RMDN2: variants seen among roughly 807,000 people sequenced by gnomAD.
RMDN2 encodes the protein regulator of microtubule dynamics 2.
A neutral mutation model predicts 52.8 loss-of-function variants in RMDN2; 61 were observed. The ratio of observed to expected loss-of-function variants is 1.16; its 90% CI spans 0.94 to 1.43. The LOEUF (loss-of-function observed/expected upper bound fraction) is 1.43. Among genes scored for constraint, RMDN2 ranks in the 40% most tolerant of loss-of-function variants. The probability of loss-of-function intolerance (pLI) is 0.00; values close to 1 mark genes in which losing one functional copy is unlikely to be tolerated. For synonymous variants in RMDN2, 180 were observed against 153.1 expected (o/e 1.18, Z -1.30); for missense variants, 592 against 475.3 (o/e 1.25, Z -2.28).
downstream of RMDN2, among the ~76,000 whole-genome samples, chr2:38,021,726 G>T (rs1679394562): frequency 6.6e-6 from 1 of 152,212 alleles, no homozygotes; most frequent in Non-Finnish European, 1.5e-5. Flanking sequence ...TCACTGTAGG[G>T]TTGGCCGTAC....
chr2:38,043,642 A>G (rs1246449155), intron 10 of RMDN2, among the ~76,000 whole-genome samples: 2 of 151,756 alleles, frequency 1.3e-5, no homozygotes, highest in Admixed American at 6.5e-5. Context: ...GTCCTTTACT[A>G]TATTATAATT....
At chr2:37,971,442 A>G (rs988480813) in intron 2 of RMDN2, among the ~76,000 whole-genome samples, 2 of 152,262 alleles carry the variant, frequency 1.3e-5, no homozygotes, top group South Asian at 2.1e-4. Context: ...CATAATGTCT[A>G]TTTCATATGT....
intron 2 of RMDN2, among the ~76,000 whole-genome samples, chr2:37,938,949 G>A (rs1212389827): frequency 6.6e-6 from 1 of 152,080 alleles, no homozygotes; most frequent in African/African-American, 2.4e-5. Context: ...TTGTGAATTT[G>A]TTTGCTCTTG....
chr2:37,987,618 A>G (rs1274749628), intron 5 of RMDN2, among the ~76,000 whole-genome samples: 1 of 152,228 alleles, frequency 6.6e-6, no homozygotes, highest in Non-Finnish European at 1.5e-5. Flanking sequence ...CAGTATACAC[A>G]TGTCATTATA....
At chr2:37,922,167 C>T (rs1048098604), upstream of RMDN2, among the ~76,000 whole-genome samples, 42 of 152,244 alleles carry the variant, frequency 2.8e-4, no homozygotes, top group African/African-American at 9.9e-4. Flanking sequence ...TTAAAACCAG[C>T]CTGGAAATGA....
chr2:38,039,095 G>C (rs2084170), intron 10 of RMDN2, among the ~76,000 whole-genome samples: 9,486 of 48,964 alleles, frequency 0.19, 366 homozygotes, highest in Non-Finnish European at 0.24. Flanking sequence ...CACACACACA[G>C]AGAGAGAGAT....
rs1391534253 is a variant in RMDN2 at position 38,000,500 on chromosome 2, A to G, written c.1044+2986A>G. On this transcript the variant is annotated intron_variant, in intron 8 of 10. Transcript: ENST00000354545. ...AGTTTTCTTTGCCTCTTTGCTGTCA[A>G]TTTCCCCCATCTCCTGCCCCAAGTA... Among the ~76,000 whole-genome samples, 6 of 152,162 alleles carry G rather than the reference A, an allele frequency of 3.9e-5. No individual in the cohort carries two copies. In the East Asian group the frequency reaches 9.6e-4, roughly 24 times the overall value.
intron 2 of RMDN2, among the ~76,000 whole-genome samples, chr2:37,969,858 A>G (rs1396902584): frequency 6.7e-6 from 1 of 149,420 alleles, no homozygotes; most frequent in Non-Finnish European, 1.5e-5. Context: ...CTTCCTTCCT[A>G]TTTTTTCTTT....
chr2:37,935,708 C>G (rs1667229127), intron 2 of RMDN2, among the ~76,000 whole-genome samples: 1 of 152,138 alleles, frequency 6.6e-6, no homozygotes, highest in Non-Finnish European at 1.5e-5. Context: ...TTAAAATTTA[C>G]ATACATATCA....
intron 10 of RMDN2, among the ~76,000 whole-genome samples, chr2:38,052,202 A>G (rs936870688): frequency 1.3e-5 from 2 of 152,166 alleles, no homozygotes; most frequent in African/African-American, 4.8e-5. Flanking sequence ...CTTTTTGATA[A>G]TAGACATTGT....
chr2:37,992,631 T>G (rs1674959164), intron 7 of RMDN2, among the ~76,000 whole-genome samples: 1 of 152,194 alleles, frequency 6.6e-6, no homozygotes, highest in Non-Finnish European at 1.5e-5. Context: ...TAGCTCAGTT[T>G]TTTGCACTTA....
At chr2:37,921,966 A>T (rs980957932), upstream of RMDN2, among the ~76,000 whole-genome samples, 2 of 152,234 alleles carry the variant, frequency 1.3e-5, no homozygotes, top group Non-Finnish European at 2.9e-5. Context: ...CTCCTCGTTT[A>T]CAAATGATTC....
intron 4 of RMDN2, among the ~76,000 whole-genome samples, chr2:37,979,979 T>A (rs1407997437): frequency 2.0e-5 from 3 of 152,192 alleles, no homozygotes; most frequent in Non-Finnish European, 2.9e-5. Flanking sequence ...TTTAATTGTT[T>A]CCAATTTATG....
At chr2:37,949,340 G>A (rs115137205) in intron 2 of RMDN2, among the ~76,000 whole-genome samples, 2 of 152,210 alleles carry the variant, frequency 1.3e-5, no homozygotes, top group Non-Finnish European at 2.9e-5. Flanking sequence ...ACTTGCTATA[G>A]AAGTGGTAGA....
At chr2:37,950,561 C>T (rs1226698976) in intron 2 of RMDN2, 2 of 1,612,886 alleles carry the variant, frequency 1.2e-6, no homozygotes, top group Non-Finnish European at 1.7e-6. Context: ...GAGAGACTTA[C>T]TTTGGATTAA....
At chr2:38,043,957 CCTTT>C (rs1263156818) in intron 10 of RMDN2, among the ~76,000 whole-genome samples, 2 of 151,964 alleles carry the variant, frequency 1.3e-5, no homozygotes, top group Non-Finnish European at 2.9e-5. Flanking sequence ...CTGATGTTCT[CCTTT>C]CTTTATCCAA....
intron 8 of RMDN2, among the ~76,000 whole-genome samples, chr2:38,002,406 A>G (rs1676441010): frequency 6.6e-6 from 1 of 152,234 alleles, no homozygotes; most frequent in South Asian, 2.1e-4. Context: ...CATGCAGAAT[A>G]TGAAATACAG....
chr2:38,036,630 T>C (rs1366625617), intron 10 of RMDN2: 1 of 152,248 alleles, frequency 6.6e-6, no homozygotes, highest in Non-Finnish European at 1.5e-5. Flanking sequence ...CAGGCAGTGG[T>C]GGGTCGTGGG....
chr2:38,029,369 G>C (rs1680012823), intron 10 of RMDN2: 1 of 152,070 alleles, frequency 6.6e-6, no homozygotes, highest in African/African-American at 2.4e-5. Context: ...TGGAAGTTTT[G>C]CCACAAAACC....
Sources: gnomAD v4.1 joint callset for allele counts (sites outside exome capture counted in the v4.1 genomes callset) on GRCh38, gnomAD v4.1.1 for gene constraint, MANE v1.5 for transcripts, NCBI Gene and HGNC (gene_info 2026-07-23, HGNC 2026-07-21) for gene names.